Variants in CILK1 observed in about 807,000 individuals in gnomAD.
The protein encoded by CILK1 is ciliogenesis associated kinase 1, also known as serine/threonine-protein kinase ICK.
CILK1 carries 47 observed loss-of-function variants against 79.2 expected under a neutral mutation model. That is an observed-to-expected ratio of 0.59 (90% CI 0.47 to 0.76). The LOEUF (loss-of-function observed/expected upper bound fraction) is 0.76. CILK1 is among the 30% of genes least tolerant of loss of function. The pLI is 0.00. For synonymous variants in CILK1, 266 were observed against 275.9 expected, an observed-to-expected ratio of 0.96 and a Z score of 0.36; for missense variants, 660 against 769.5, an observed-to-expected ratio of 0.86 and a Z score of 1.68.
chr6:53,043,577 G>A (rs908953712), intron 1 of CILK1, among the ~76,000 whole-genome samples: 9 of 152,022 alleles, frequency 5.9e-5, no homozygotes, highest in African/African-American at 1.7e-4. Flanking sequence ...TTCAGGATCA[G>A]ACTCCCTACA....
At chr6:53,011,638 T>C (rs1764574423) in intron 11 of CILK1, 131 bp downstream of exon 11, 3 of 911,328 alleles carry the variant, frequency 3.3e-6, no homozygotes, top group South Asian at 1.3e-5. Context: ...AATATTTCTA[T>C]GATGTTCCCC....
chr6:53,005,639 A>G (rs970984048), intron 13 of CILK1, among the ~76,000 whole-genome samples: 4 of 152,090 alleles, frequency 2.6e-5, no homozygotes, highest in Non-Finnish European at 5.9e-5. Context: ...ATCATTTCTT[A>G]CCTGGATAAT....
intron 1 of CILK1, among the ~76,000 whole-genome samples, chr6:53,043,336 T>A (rs192605932): frequency 0.02 from 3,011 of 150,886 alleles, 43 homozygotes; most frequent in East Asian, 0.064. Context: ...ATATATATAT[T>A]AAAAAATAAA....
At chr6:53,025,359 T>C (rs988871059) in intron 5 of CILK1, among the ~76,000 whole-genome samples, 2 of 152,144 alleles carry the variant, frequency 1.3e-5, no homozygotes, top group African/African-American at 4.8e-5. Context: ...GTCTTCTCTC[T>C]GCTCAGTTCT....
At chr6:53,011,607 A>T (rs1764573233) in intron 11 of CILK1, among the ~76,000 whole-genome samples, 162 bp downstream of exon 11, 1 of 152,194 alleles carries the variant, frequency 6.6e-6, no homozygotes, top group Non-Finnish European at 1.5e-5. Context: ...TCAAAAAAAA[A>T]GTGAGGCTTG....
chr6:53,039,799 GA>G (rs1487505343), intron 2 of CILK1, among the ~76,000 whole-genome samples: 2 of 152,180 alleles, frequency 1.3e-5, no homozygotes, highest in South Asian at 2.1e-4. Flanking sequence ...TGAATAGGGG[GA>G]AAAAAGCCAG....
chr6:53,025,113 G>A (rs148895152), intron 5 of CILK1, among the ~76,000 whole-genome samples: 3 of 152,182 alleles, frequency 2.0e-5, no homozygotes, highest in African/African-American at 4.8e-5. Context: ...GATTACAGGC[G>A]TGAGCCACTG....
intron 1 of CILK1, among the ~76,000 whole-genome samples, chr6:53,044,493 A>G (rs1472906188): frequency 6.6e-6 from 1 of 152,116 alleles, no homozygotes; most frequent in African/African-American, 2.4e-5. Flanking sequence ...TGGGAAATAT[A>G]CTCTGAAGGG....
At chr6:53,013,625 C>T in intron 9 of CILK1, 37 bp downstream of exon 9, 6 of 1,585,588 alleles carry the variant, frequency 3.8e-6, no homozygotes, top group Non-Finnish European at 5.2e-6. Context: ...GAGGAATAAA[C>T]AGACACGAAG....
intron 8 of CILK1, 78 bp from the exon 9 acceptor site, chr6:53,014,060 C>T: frequency 8.9e-7 from 1 of 1,125,254 alleles, no homozygotes. Flanking sequence ...GGCTATATTT[C>T]ATTGTGACCA....
chr6:53,027,864 G>A (rs1328028992), intron 5 of CILK1, among the ~76,000 whole-genome samples: 1 of 152,030 alleles, frequency 6.6e-6, no homozygotes, highest in Non-Finnish European at 1.5e-5. Flanking sequence ...AAATTAGCCG[G>A]GCGCCGGGCA....
intron 1 of CILK1, among the ~76,000 whole-genome samples, chr6:53,048,312 T>C (rs1767246425): frequency 6.6e-6 from 1 of 152,212 alleles, no homozygotes; most frequent in Admixed American, 6.5e-5. Context: ...GTTCCAAGTG[T>C]ACAAAGGATA....
In CILK1 at chr6:53,015,441, T is replaced by C. The variant is rs1464098179; in HGVS notation, c.831+642A>G. 3.9e-5 allele frequency among the ~76,000 whole-genome samples: 6 copies of C among 152,364 alleles called. No individual in the cohort carries two copies. In the East Asian group the frequency reaches 1.2e-3, roughly 29 times the overall value. ...TCATACTTCCGGTCAGTTGGTTGAA[T>C]TGTAGTTAGTTGCACTATTTGAACT... On this transcript the variant is annotated intron_variant, in intron 8 of 13. Transcript: ENST00000676107.
Position 53,008,194 on chromosome 6 carries a change from TATATA to T in CILK1, c.1621+1240_1621+1244del, listed in dbSNP as rs569390501. Among the ~76,000 whole-genome samples, 80 of 151,498 alleles carry T rather than the reference TATATA, an allele frequency of 5.3e-4. 1 individual carries two copies. The highest frequency in any genetic ancestry group is 2.8e-3 in the Admixed American group (43 of 15,196). On this transcript the variant is annotated intron_variant, in intron 12 of 13. Transcript: ENST00000676107. Reference sequence around the variant, plus strand: ...TTGTATAGATATATATTGTATATGTTATATAATATATGATATATATCTCTATAATT... The same window carrying T: ...TTGTATAGATATATATTGTATATGTTATATATGATATATATCTCTATAATT...
chr6:53,005,216 C>A lies in CILK1; in HGVS notation c.1832G>T (p.Arg611Leu), dbSNP rs142323970. 8.9e-5 allele frequency: 144 copies of A among 1,614,034 alleles called. No individual in the cohort carries two copies. The highest frequency in any genetic ancestry group is 1.2e-4 in the Non-Finnish European group (137 of 1,180,032). The change falls in exon 14 of 14, where the codon CGG (arginine) becomes CTG (leucine). Residue 611 changes from arginine to leucine, a missense_variant. Physicochemically the swap from Arg to Leu is moderately radical, Grantham distance 102 (BLOSUM62 -2). Coordinates refer to ENST00000676107, the MANE Select transcript of CILK1 (RefSeq NM_014920.5). ...ATGCACTGGCTGGGCGGCTGGAGGC[C>A]GTGGTATCAACCCAGGAGTGCTTCT... ...QPRSTPGLIP[R>L]PPAAQPVHGR... is the part of the protein sequence containing the mutation.
At chr6:53,025,269 G>C (rs1394387760) in intron 5 of CILK1, among the ~76,000 whole-genome samples, 1 of 152,006 alleles carries the variant, frequency 6.6e-6, no homozygotes, top group African/African-American at 2.4e-5. Flanking sequence ...CCGTTATAAT[G>C]GGTCCTTTGT....
At chr6:53,050,827 CA>C (rs891966820) in intron 1 of CILK1, among the ~76,000 whole-genome samples, 8 of 151,070 alleles carry the variant, frequency 5.3e-5, no homozygotes, top group African/African-American at 7.3e-5. Flanking sequence ...GACCCTGTCT[CA>C]AAAAAAAATT....
At chr6:53,008,487 G>A (rs555861811) in intron 12 of CILK1, among the ~76,000 whole-genome samples, 6 of 151,416 alleles carry the variant, frequency 4.0e-5, no homozygotes, top group East Asian at 1.9e-4. Flanking sequence ...GTGCAGTGGC[G>A]CAATCTTGGC....
intron 4 of CILK1, 91 bp from the exon 5 acceptor site, chr6:53,031,235 A>C: frequency 1.2e-6 from 1 of 830,850 alleles, no homozygotes; most frequent in Non-Finnish European, 2.1e-6. Flanking sequence ...CATACAGGGG[A>C]GCTACCTTAT....
Sources: allele counts gnomAD v4.1 joint callset (sites outside exome capture counted in the v4.1 genomes callset), GRCh38; gene constraint gnomAD v4.1.1; transcripts MANE v1.5; gene names NCBI Gene and HGNC (gene_info 2026-07-23, HGNC 2026-07-21).